Variants in SEC11C observed in about 807,000 individuals in gnomAD.
SEC11C encodes the protein signal peptidase complex catalytic subunit SEC11C.
In SEC11C, 10 loss-of-function variants were observed where a neutral mutation model predicts 21.9. The ratio of observed to expected loss-of-function variants is 0.46; its 90% confidence interval spans 0.28 to 0.77. The LOEUF (loss-of-function observed/expected upper bound fraction) is 0.77. Among genes scored for constraint, SEC11C ranks in the 30% least tolerant of loss-of-function variants. SEC11C has a pLI of 0.12. For synonymous variants in SEC11C, 83 were observed against 85.6 expected (o/e 0.97, Z 0.17); for missense variants, 145 against 244.5 (o/e 0.59, Z 2.71).
intron 1 of SEC11C, among the ~76,000 whole-genome samples, chr18:59,140,627 C>A (rs192632302): frequency 6.6e-6 from 1 of 152,294 alleles, no homozygotes; most frequent in East Asian, 1.9e-4. Flanking sequence ...ACCAGTGTTC[C>A]CAGCGAGATT....
intron 2 of SEC11C, among the ~76,000 whole-genome samples, chr18:59,150,448 C>T (rs901176998): frequency 1.3e-5 from 2 of 152,240 alleles, no homozygotes; most frequent in African/African-American, 4.8e-5. Context: ...ACCAGGCCGC[C>T]CTCATGTGGT....
Position 59,152,669 on chromosome 18 carries a change from A to G in SEC11C, c.331A>G (p.Ile111Val). 1.3e-6 allele frequency: 2 copies of G among 1,598,538 alleles called. No homozygotes were observed. The highest frequency in any genetic ancestry group is 1.7e-6 in the Non-Finnish European group (2 of 1,175,844). ...AGACATTCCAATAGTTCACAGAGTA[A>G]TCAAAGTTCATGAAAAGTAAAGAGG... The part of the protein sequence containing the change: ...GRDIPIVHRV[I>V]KVHEKDNGDI... The change falls in exon 3 of 6, where the codon ATC becomes GTC. Residue 111 changes from isoleucine (I) to valine (V), a missense_variant. Transcript: ENST00000587834.
chr18:59,150,556 C>A (rs1043291043), intron 2 of SEC11C, among the ~76,000 whole-genome samples: 1 of 152,192 alleles, frequency 6.6e-6, no homozygotes, highest in South Asian at 2.1e-4. Flanking sequence ...CCGACCCACT[C>A]GTGTTCACAC....
intron 2 of SEC11C, among the ~76,000 whole-genome samples, chr18:59,150,952 C>T (rs942567166): frequency 1.3e-5 from 2 of 151,602 alleles, no homozygotes; most frequent in East Asian, 2.0e-4. Context: ...GAAATTGCTG[C>T]ACTTAGGGAC....
rs531409980 is a variant in SEC11C, at chr18:59,141,456, A to G, written c.87+1421A>G. The stretch of plus-strand genomic sequence containing the variant: ...TCTCTAAAATTGGTACTGATTACTG[A>G]TGGCTATAATTGCAGACTGTCAGAA... On this transcript the variant is annotated intron_variant, in intron 1 of 5. Coordinates refer to ENST00000587834, the MANE Select transcript of SEC11C (RefSeq NM_033280.4). Among the ~76,000 whole-genome samples the G allele has an allele frequency of 2.5e-3, 379 of 152,312 alleles. 2 individuals carry two copies. Among genetic ancestry groups the G allele is most frequent in the African/African-American group, 8.8e-3 (365 of 41,562 alleles).
chr18:59,152,810 T>C, intron 3 of SEC11C, 125 bp downstream of exon 3: 1 of 745,980 alleles, frequency 1.3e-6, no homozygotes, highest in Non-Finnish European at 2.1e-6. Flanking sequence ...TGGGTGACTT[T>C]GGACCAAATG....
chr18:59,142,610 T>A (rs955755334), intron 1 of SEC11C, among the ~76,000 whole-genome samples: 2 of 152,252 alleles, frequency 1.3e-5, no homozygotes, highest in African/African-American at 4.8e-5. Flanking sequence ...TTAGAAGCAG[T>A]GTTTTGTTGT....
intron 1 of SEC11C, among the ~76,000 whole-genome samples, chr18:59,146,712 G>T (rs1455114040): frequency 6.6e-6 from 1 of 152,170 alleles, no homozygotes; most frequent in East Asian, 1.9e-4. Context: ...ACTGTTTTGA[G>T]AAGAGCTGTG....
chr18:59,156,909 G>A (rs1603378384), intron 4 of SEC11C: 1 of 152,274 alleles, frequency 6.6e-6, no homozygotes, highest in East Asian at 1.9e-4. Context: ...AGACACTCTG[G>A]TGAAAGGCTT....
intron 1 of SEC11C, among the ~76,000 whole-genome samples, chr18:59,145,424 G>A (rs528475579): frequency 6.6e-6 from 1 of 152,200 alleles, no homozygotes; most frequent in South Asian, 2.1e-4. Context: ...GACATTTAAA[G>A]GTGGATGTAA....
intron 1 of SEC11C, among the ~76,000 whole-genome samples, chr18:59,149,293 CTCT>C (rs2069318501): frequency 1.3e-5 from 2 of 152,230 alleles, no homozygotes; most frequent in Non-Finnish European, 2.9e-5. Context: ...TCACAGATTG[CTCT>C]TTTTTTCCTC....
intron 1 of SEC11C, chr18:59,147,361 AT>A (rs1159761087): frequency 6.6e-6 from 1 of 152,186 alleles, no homozygotes; most frequent in Non-Finnish European, 1.5e-5. Context: ...ATTCAAAAGT[AT>A]GTTCTGGAAA....
chr18:59,146,433 C>G (rs1436024726), intron 1 of SEC11C, among the ~76,000 whole-genome samples: 1 of 152,024 alleles, frequency 6.6e-6, no homozygotes, highest in Non-Finnish European at 1.5e-5. Flanking sequence ...CTGATGGGAC[C>G]AATGCCAGCA....
At position 59,154,596 on chromosome 18, in the gene SEC11C, A is replaced by G. The variant is rs1014559835; in HGVS notation, c.348-1092A>G. ...TTCCTTGCAAATTTGACTTTATACT[A>G]CCGTGGTCAGTGGTGAAGGAAATAA... On this transcript the variant is annotated intron_variant, in intron 3 of 5. Coordinates refer to ENST00000587834, the MANE Select transcript of SEC11C (RefSeq NM_033280.4). Among the ~76,000 whole-genome samples, 17 of 152,270 alleles carry G rather than the reference A, an allele frequency of 1.1e-4. 1 individual carries two copies. The South Asian group carries it at 1.2e-3, about 11-fold the overall frequency.
At chr18:59,148,338 C>T (rs1056954191) in intron 1 of SEC11C, among the ~76,000 whole-genome samples, 1 of 152,174 alleles carries the variant, frequency 6.6e-6, no homozygotes, top group South Asian at 2.1e-4. Flanking sequence ...GGAAGGAAGG[C>T]GGATGTTTGG....
chr18:59,149,856 G>A (rs2069326755), intron 2 of SEC11C, among the ~76,000 whole-genome samples: 1 of 152,064 alleles, frequency 6.6e-6, no homozygotes, highest in African/African-American at 2.4e-5. Context: ...CCATGTTGAT[G>A]CTCGTGTACC....
At position 59,149,602 on chromosome 18, in the gene SEC11C, C is replaced by G. The variant is rs2069322600; in HGVS notation, c.177C>G (p.Ser59Arg). The change falls in exon 2 of 6, where the codon AGC becomes AGG. Residue 59 changes from serine (S) to arginine (R), a missense_variant. Coordinates refer to ENST00000587834, the MANE Select transcript of SEC11C (RefSeq NM_033280.4). ...KGLIVLTGSE[S>R]PIVVVLSGSM... ...TGATCGTGCTCACAGGCAGTGAGAGCCCCATCGTGGTGGTGCTGAGGTAGG... is the reference window on the plus strand; with the variant it reads ...TGATCGTGCTCACAGGCAGTGAGAGGCCCATCGTGGTGGTGCTGAGGTAGG... The G allele has an allele frequency of 1.2e-6, 2 of 1,611,208 alleles. No individual in the cohort carries two copies. The highest frequency in any genetic ancestry group is 1.7e-6 in the Non-Finnish European group (2 of 1,177,736).
At chr18:59,154,193 C>T (rs906336217) in intron 3 of SEC11C, among the ~76,000 whole-genome samples, 2 of 152,170 alleles carry the variant, frequency 1.3e-5, no homozygotes, top group African/African-American at 2.4e-5. Context: ...TGACAGTACT[C>T]GCACTGACTT....
chr18:59,140,152 G>A, intron 1 of SEC11C, 117 bp downstream of exon 1: 3 of 869,896 alleles, frequency 3.4e-6, no homozygotes, highest in Non-Finnish European at 5.2e-6. Context: ...GCCACCCGAA[G>A]CTCCCGCGCT....
Sources: gnomAD v4.1 joint callset for allele counts (sites outside exome capture counted in the v4.1 genomes callset) on GRCh38, gnomAD v4.1.1 for gene constraint, MANE v1.5 for transcripts, NCBI Gene and HGNC (gene_info 2026-07-23, HGNC 2026-07-21) for gene names.